The following NBAS variants were observed in gnomAD, a reference collection of about 807,000 sequenced individuals.
The protein encoded by NBAS is NBAS subunit of NRZ tethering complex.
In NBAS, 219 loss-of-function variants were observed where a neutral mutation model predicts 302.5. That is an observed-to-expected ratio of 0.72 (90% CI 0.65 to 0.81). The LOEUF (loss-of-function observed/expected upper bound fraction) is 0.81. NBAS is among the 30% of genes least tolerant of loss of function. The pLI is 0.00. For synonymous variants in NBAS, 1,118 were observed against 1,021.6 expected (o/e 1.09, Z -1.80); for missense variants, 2,932 against 2,841.6 (o/e 1.03, Z -0.72).
chr2:15,346,857 T>C (rs1205825162), intron 35 of NBAS, among the ~76,000 whole-genome samples: 1 of 152,134 alleles, frequency 6.6e-6, no homozygotes, highest in East Asian at 1.9e-4. Context: ...TGCAGGGACA[T>C]AGATGAAGCT....
chr2:15,086,919 G>A, the NBAS span, among the ~76,000 whole-genome samples: 1 of 152,124 alleles, frequency 6.6e-6, no homozygotes, highest in Admixed American at 6.6e-5. Flanking sequence ...TCCTAATGTG[G>A]GTGGGCCTTA....
chr2:15,239,428 A>G (rs1430117359), intron 44 of NBAS, among the ~76,000 whole-genome samples: 1 of 144,864 alleles, frequency 6.9e-6, no homozygotes, highest in Non-Finnish European at 1.5e-5. Context: ...TATGTTGAGT[A>G]TTGCTTATCT....
Position 15,535,563 on chromosome 2 carries a change from T to TAAATAAAA in NBAS, c.647+854_647+855insTTTTATTT, listed in dbSNP as rs1344204815. On this transcript the variant is annotated intron_variant, in intron 8 of 51. Transcript: ENST00000281513. ...ATAAATAAATAAATAAATAAATAAA[T>TAAATAAAA]AAAAATAAAAAAATAAAATAAAATG... Among the ~76,000 whole-genome samples, 22 of 139,408 alleles carry TAAATAAAA rather than the reference T, an allele frequency of 1.6e-4. 1 individual carries two copies. Among genetic ancestry groups the TAAATAAAA allele is most frequent in the African/African-American group, 6.1e-4 (21 of 34,486 alleles). 91.5% of individuals were successfully genotyped at this position (139,408 alleles called of 152,430 possible). A position where few individuals can be genotyped will look rare whatever the true frequency, so the allele number is the denominator to read the frequency against.
At chr2:15,525,434 A>G (rs1238367168) in intron 9 of NBAS, among the ~76,000 whole-genome samples, 2 of 152,216 alleles carry the variant, frequency 1.3e-5, no homozygotes, top group African/African-American at 2.4e-5. Context: ...TAGGACAACC[A>G]AGAACAGAAT....
Position 15,292,880 on chromosome 2 carries a change from T to C in NBAS, c.4798-114A>G, listed in dbSNP as rs577484213. ...AGGAACTGTTTGGCCCTGTACACTA[T>C]TGCCATTTCATAAGGCTCACAACGG... is the stretch of plus-strand genomic sequence containing the variant. On this transcript the variant is annotated intron_variant, in intron 40 of 51. Transcript: ENST00000281513. 3.6e-5 allele frequency: 38 copies of C among 1,048,132 alleles called. No individual in the cohort carries two copies. The Middle Eastern group carries it at 8.0e-4, about 22-fold the overall frequency. The allele number at this position is 1,048,132 out of a possible 1,614,324, so 64.9% of individuals were successfully genotyped here.
chr2:15,001,266 T>G, the NBAS span, among the ~76,000 whole-genome samples: 2 of 152,014 alleles, frequency 1.3e-5, no homozygotes, highest in Non-Finnish European at 2.9e-5. Context: ...GAGAGAGAGA[T>G]ATGTTATATA....
At chr2:15,317,922 G>A (rs1428221940) in intron 38 of NBAS, among the ~76,000 whole-genome samples, 1 of 152,102 alleles carries the variant, frequency 6.6e-6, no homozygotes, top group Non-Finnish European at 1.5e-5. Context: ...TCCTCGAGAA[G>A]AGCAACCCCA....
chr2:15,172,564 T>C (rs558831453), intron 51 of NBAS, among the ~76,000 whole-genome samples: 1 of 152,370 alleles, frequency 6.6e-6, no homozygotes, highest in South Asian at 2.1e-4. Context: ...GGAACTGATA[T>C]GTTATTTTTA....
At chr2:14,842,744 A>C in the NBAS span, among the ~76,000 whole-genome samples, 5 of 152,036 alleles carry the variant, frequency 3.3e-5, no homozygotes, top group Admixed American at 3.3e-4. Context: ...TTAAAGAACT[A>C]AGAATAATTC....
At chr2:14,832,441 G>A in the NBAS span, among the ~76,000 whole-genome samples, 1 of 152,182 alleles carries the variant, frequency 6.6e-6, no homozygotes, top group Non-Finnish European at 1.5e-5. Context: ...TGATCCAATA[G>A]TGGGAGAAAG....
chr2:15,496,009 T>C (rs1300763973), intron 11 of NBAS, among the ~76,000 whole-genome samples: 1 of 151,068 alleles, frequency 6.6e-6, no homozygotes, highest in Non-Finnish European at 1.5e-5. Context: ...AGCCAAAAAG[T>C]AGAAACAACC....
At chr2:15,147,606 T>TA in the NBAS span, among the ~76,000 whole-genome samples, 10 of 151,602 alleles carry the variant, frequency 6.6e-5, no homozygotes, top group Middle Eastern at 3.4e-3. Flanking sequence ...AAAATAATAA[T>TA]AAAAAAAATT....
chr2:15,153,359 T>C, the NBAS span, among the ~76,000 whole-genome samples: 1 of 152,248 alleles, frequency 6.6e-6, no homozygotes, highest in African/African-American at 2.4e-5. Flanking sequence ...TGCTATCCCC[T>C]GAGAAGGCTA....
At chr2:15,505,456 C>T (rs16862710) in intron 10 of NBAS, among the ~76,000 whole-genome samples, 6,390 of 152,066 alleles carry the variant, frequency 0.042, 431 homozygotes, top group African/African-American at 0.14. Flanking sequence ...GGAAGAAGTG[C>T]CTTTTGCCAA....
At chr2:15,091,572 G>A in the NBAS span, among the ~76,000 whole-genome samples, 1 of 142,976 alleles carries the variant, frequency 7.0e-6, no homozygotes, top group Non-Finnish European at 1.5e-5. Context: ...TTGCTCTGTT[G>A]CCCAGGCTGG....
chr2:15,119,423 C>T, the NBAS span, among the ~76,000 whole-genome samples: 2 of 151,424 alleles, frequency 1.3e-5, no homozygotes, highest in Non-Finnish European at 2.9e-5. Flanking sequence ...ATTCTCCTGC[C>T]TCAGCCTCCC....
In NBAS at chr2:15,353,651, A is replaced by G. The variant is rs747216189; in HGVS notation, c.3991T>C (p.Leu1331=). 1 of 1,614,118 alleles carries G rather than the reference A, an allele frequency of 6.2e-7. No individual in the cohort carries two copies. The highest frequency in any genetic ancestry group is 1.3e-5 in the African/African-American group (1 of 75,048). Reference sequence around the variant, plus strand: ...GCCATGAGCTCTTGACGAGTGGCCAAGTCCTGGTAACCTTCTGATTGTCCT... The same window carrying G: ...GCCATGAGCTCTTGACGAGTGGCCAGGTCCTGGTAACCTTCTGATTGTCCT... ...QLGQSEGYQD[L]ATRQELMAFA... Residue 1331 remains leucine, a synonymous_variant, in exon 34 of 52, where the codon TTG becomes CTG. Coordinates refer to ENST00000281513, the MANE Select transcript of NBAS (RefSeq NM_015909.4).
At chr2:15,286,930 T>C in intron 42 of NBAS, 143 bp downstream of exon 42, 1 of 665,354 alleles carries the variant, frequency 1.5e-6, no homozygotes, top group Admixed American at 2.7e-5. Flanking sequence ...CAAAGATGTA[T>C]AAGGAAAGAA....
chr2:15,004,698 A>T, the NBAS span, among the ~76,000 whole-genome samples: 1 of 138,726 alleles, frequency 7.2e-6, no homozygotes, highest in Admixed American at 7.7e-5. Flanking sequence ...TTGTAGAGAC[A>T]GGGTTGTGCA....
Sources: allele counts gnomAD v4.1 joint callset (sites outside exome capture counted in the v4.1 genomes callset), GRCh38; gene constraint gnomAD v4.1.1; transcripts MANE v1.5; gene names NCBI Gene and HGNC (gene_info 2026-07-23, HGNC 2026-07-21).